ADORA2B: variants seen among roughly 807,000 people sequenced by gnomAD.
ADORA2B encodes adenosine A2b receptor, also known as adenosine receptor A2b.
In ADORA2B, 18 loss-of-function variants were observed where a neutral mutation model predicts 20.8. The ratio of observed to expected loss-of-function variants is 0.87; its 90% CI spans 0.60 to 1.29. The LOEUF (loss-of-function observed/expected upper bound fraction) is 1.29. Ranked by LOEUF, ADORA2B falls within the 50% of genes most tolerant of loss-of-function variation. The probability of loss-of-function intolerance (pLI) is 0.00; values close to 1 mark genes in which losing one functional copy is unlikely to be tolerated. For missense variants in ADORA2B, 441 were observed against 422.7 expected (o/e 1.04, Z -0.38); for synonymous variants, 179 against 178.3 (o/e 1.00, Z -0.03).
At chr17:15,907,373 T>C in the ADORA2B span, among the ~76,000 whole-genome samples, 2 of 152,242 alleles carry the variant, frequency 1.3e-5, no homozygotes, top group Non-Finnish European at 2.9e-5. Flanking sequence ...ACCATTGTGC[T>C]AAGTTCAGCC....
chr17:15,961,843 C>G (rs1970045794), intron 1 of ADORA2B, among the ~76,000 whole-genome samples: 1 of 152,166 alleles, frequency 6.6e-6, no homozygotes, highest in South Asian at 2.1e-4. Context: ...ATAAAAAACC[C>G]ACTCCCATGA....
chr17:15,881,512 A>G, the ADORA2B span, among the ~76,000 whole-genome samples: 1 of 152,222 alleles, frequency 6.6e-6, no homozygotes, highest in African/African-American at 2.4e-5. Context: ...TGCAGTCATC[A>G]CTACTTTCTA....
At chr17:15,930,493 G>A in the ADORA2B span, among the ~76,000 whole-genome samples, 2 of 152,054 alleles carry the variant, frequency 1.3e-5, no homozygotes, top group Admixed American at 6.6e-5. Context: ...ACAGGGTTTC[G>A]CTGTATTGGC....
chr17:15,907,872 A>G, the ADORA2B span, among the ~76,000 whole-genome samples: 3 of 152,310 alleles, frequency 2.0e-5, no homozygotes, highest in South Asian at 2.1e-4. Flanking sequence ...GCTGCACACT[A>G]TGTCCCTTGT....
chr17:15,878,003 A>T, the ADORA2B span, among the ~76,000 whole-genome samples: 2 of 151,752 alleles, frequency 1.3e-5, no homozygotes, highest in Admixed American at 6.6e-5. Context: ...CTTTTGGGGG[A>T]AAAAAAGAAA....
the ADORA2B span, among the ~76,000 whole-genome samples, chr17:15,864,672 T>C: frequency 6.6e-6 from 1 of 152,044 alleles, no homozygotes; most frequent in African/African-American, 2.4e-5. Context: ...CTGGCAATGG[T>C]TGTCTTGAGT....
chr17:15,927,279 G>C, the ADORA2B span, among the ~76,000 whole-genome samples: 2 of 152,172 alleles, frequency 1.3e-5, no homozygotes, highest in Non-Finnish European at 2.9e-5. Context: ...GTCAGGAGAT[G>C]GAGACCATTC....
chr17:15,881,984 T>G, the ADORA2B span, among the ~76,000 whole-genome samples: 1 of 152,158 alleles, frequency 6.6e-6, no homozygotes, highest in Non-Finnish European at 1.5e-5. Flanking sequence ...GATGTTTTAT[T>G]TATCCTCCCT....
chr17:15,887,194 G>A, the ADORA2B span, among the ~76,000 whole-genome samples: 1 of 130,374 alleles, frequency 7.7e-6, no homozygotes. Flanking sequence ...CCGTCCTCTT[G>A]CCATGGGAAG....
chr17:15,968,982 G>A (rs1970153400), intron 1 of ADORA2B, among the ~76,000 whole-genome samples: 1 of 152,168 alleles, frequency 6.6e-6, no homozygotes, highest in Admixed American at 6.5e-5. Context: ...ATCCTTCTCT[G>A]AGGTAACAGC....
the ADORA2B span, chr17:15,908,582 T>A: frequency 5.2e-6 from 1 of 194,006 alleles, no homozygotes; most frequent in Non-Finnish European, 1.1e-5. Context: ...GCCTGACTGG[T>A]AGAGCATGAT....
the ADORA2B span, among the ~76,000 whole-genome samples, chr17:15,865,906 C>T: frequency 6.7e-6 from 1 of 149,766 alleles, no homozygotes; most frequent in Non-Finnish European, 1.5e-5. Flanking sequence ...AATGGAGGCT[C>T]CCCTGTACAG....
At chr17:15,856,590 G>A in the ADORA2B span, among the ~76,000 whole-genome samples, 2 of 152,188 alleles carry the variant, frequency 1.3e-5, no homozygotes, top group Non-Finnish European at 2.9e-5. Context: ...ACTTGCTAGA[G>A]ATTTGTTGAA....
chr17:15,918,338 G>A, the ADORA2B span, among the ~76,000 whole-genome samples: 1 of 152,176 alleles, frequency 6.6e-6, no homozygotes, highest in African/African-American at 2.4e-5. Context: ...CTTCTTTTGC[G>A]TCTTCTGGCC....
chr17:15,963,719 G>A (rs56785477), intron 1 of ADORA2B, among the ~76,000 whole-genome samples: 15,133 of 152,212 alleles, frequency 0.099, 2,507 homozygotes, highest in African/African-American at 0.34. Flanking sequence ...CCTAACCTCA[G>A]TCTCAACTGG....
At chr17:15,973,803 T>C (rs963674675) in intron 1 of ADORA2B, 1 of 152,050 alleles carries the variant, frequency 6.6e-6, no homozygotes, top group East Asian at 1.9e-4. Context: ...CCTAGGTAGG[T>C]AGGAAGTATA....
At chr17:15,931,164 A>G in the ADORA2B span, among the ~76,000 whole-genome samples, 1 of 152,188 alleles carries the variant, frequency 6.6e-6, no homozygotes, top group African/African-American at 2.4e-5. Context: ...AAAAAATTTA[A>G]AAGGAGCCAC....
At chr17:15,900,438 ATTTTTAT>A in the ADORA2B span, among the ~76,000 whole-genome samples, 682 of 151,816 alleles carry the variant, frequency 4.5e-3, 2 homozygotes, top group Admixed American at 8.2e-3. Context: ...TTGACTTTTT[ATTTTTAT>A]TTTTTATTTT....
intron 1 of ADORA2B, among the ~76,000 whole-genome samples, chr17:15,968,319 C>T (rs971278621): frequency 1.3e-5 from 2 of 152,124 alleles, no homozygotes; most frequent in East Asian, 1.9e-4. Flanking sequence ...CTGCTGACTG[C>T]GGAACCTCAG....
Sources: allele counts gnomAD v4.1 joint callset (sites outside exome capture counted in the v4.1 genomes callset), GRCh38; gene constraint gnomAD v4.1.1; transcripts MANE v1.5; gene names NCBI Gene and HGNC (gene_info 2026-07-23, HGNC 2026-07-21).